Variants in TENM3 observed in about 807,000 individuals in gnomAD.
The protein encoded by TENM3 is teneurin-3.
Under a neutral mutation model 255.1 loss-of-function variants are expected in TENM3, and 63 were observed. The observed-to-expected ratio is 0.25, with a 90% confidence interval of 0.20 to 0.30. The LOEUF (loss-of-function observed/expected upper bound fraction) is 0.30. Among genes scored for constraint, TENM3 ranks in the 10% least tolerant of loss-of-function variants. The probability of loss-of-function intolerance (pLI) is 1.00; values close to 1 mark genes in which losing one functional copy is unlikely to be tolerated. For synonymous variants in TENM3, 1,306 were observed against 1,322.3 expected (o/e 0.99, Z 0.27); for missense variants, 2,929 against 3,461.1 (o/e 0.85, Z 3.86).
At chr4:182,413,599 G>A (rs774125188) in intron 3 of TENM3, among the ~76,000 whole-genome samples, 9 of 149,652 alleles carry the variant, frequency 6.0e-5, no homozygotes, top group Admixed American at 1.4e-4. Context: ...CTGGGCAACA[G>A]AGTGAGACTC....
chr4:181,607,439 G>A, the TENM3 span, among the ~76,000 whole-genome samples: 16 of 148,546 alleles, frequency 1.1e-4, no homozygotes, highest in Non-Finnish European at 1.5e-4. Context: ...TTTTTGAGAC[G>A]GAGTCTCACT....
the TENM3 span, among the ~76,000 whole-genome samples, chr4:182,005,875 A>G: frequency 1.3e-5 from 2 of 151,836 alleles, no homozygotes; most frequent in South Asian, 4.2e-4. Flanking sequence ...CTGCTTGCCT[A>G]TTGGTGGTGT....
At position 182,731,349 on chromosome 4, in the gene TENM3, CA is replaced by C. The variant is rs1008152880; in HGVS notation, c.2967+219del. Among the ~76,000 whole-genome samples, 196 of 150,414 alleles carry C rather than the reference CA, an allele frequency of 1.3e-3. 1 individual carries two copies. The highest frequency in any genetic ancestry group is 4.6e-3 in the African/African-American group (189 of 41,062). ...TGAAACCCCATCTGTACTAAAAATACAAAAAAAAATTAGCCGGGCATGGTGA... is the reference window on the plus strand; with the variant it reads ...TGAAACCCCATCTGTACTAAAAATACAAAAAAAATTAGCCGGGCATGGTGA... On this transcript the variant is annotated intron_variant, in intron 16 of 27. Coordinates refer to ENST00000511685, the MANE Select transcript of TENM3 (RefSeq NM_001080477.4).
the TENM3 span, among the ~76,000 whole-genome samples, chr4:181,692,240 T>G: frequency 6.6e-6 from 1 of 152,214 alleles, no homozygotes; most frequent in Non-Finnish European, 1.5e-5. Flanking sequence ...AGTAAAGATA[T>G]TCCAGCATTC....
chr4:182,120,262 T>C, the TENM3 span, among the ~76,000 whole-genome samples: 1 of 152,194 alleles, frequency 6.6e-6, no homozygotes, highest in Non-Finnish European at 1.5e-5. Context: ...AGTCACATGC[T>C]GTACAGGTTT....
chr4:181,910,464 G>A, the TENM3 span, among the ~76,000 whole-genome samples: 3 of 151,484 alleles, frequency 2.0e-5, no homozygotes, highest in Admixed American at 2.0e-4. Flanking sequence ...CTTGAACCTG[G>A]GAGGTGGAGG....
chr4:182,661,928 A>G (rs910674693), intron 6 of TENM3, among the ~76,000 whole-genome samples: 1 of 152,304 alleles, frequency 6.6e-6, no homozygotes, highest in East Asian at 1.9e-4. Flanking sequence ...CAAATTCATG[A>G]TATATATGGC....
In TENM3 at chr4:182,754,481, C is replaced by T. The variant is rs868065160; in HGVS notation, c.4114C>T (p.Arg1372Cys). ...NNVVLQITEN[R>C]QVRIAAGRPM... ...TGTAGTTTTACAGATCACTGAAAAT[C>T]GTCAAGTTCGCATTGCTGCTGGACG... Residue 1372 changes from arginine (R) to cysteine (C), a missense_variant, in exon 22 of 28, where the codon CGT becomes TGT. Around this residue, in one of 6 missense-constraint regions of TENM3, gnomAD observed 1,608 missense variants for 1,884.4 expected, o/e 0.85. Transcript: ENST00000511685. The surrounding 1 kb of genome is among the most constrained non-coding windows in gnomAD (Gnocchi z 5.1). The T allele has an allele frequency of 2.5e-6, 4 of 1,613,094 alleles. No homozygotes were observed. Among genetic ancestry groups the T allele is most frequent in the East Asian group, 2.2e-5 (1 of 44,896 alleles).
At chr4:182,221,298 G>T (rs1755839342) in intron 1 of TENM3, among the ~76,000 whole-genome samples, 1 of 152,178 alleles carries the variant, frequency 6.6e-6, no homozygotes, top group Admixed American at 6.5e-5. Flanking sequence ...TAGAATATTT[G>T]ATCTTTTTAA....
rs758450123 is a variant in TENM3, at chr4:182,679,662, C to A, written c.1327-4C>A. 1.2e-6 allele frequency: 2 copies of A among 1,610,742 alleles called. No individual in the cohort carries two copies. The highest frequency in any genetic ancestry group is 1.1e-5 in the South Asian group (1 of 90,988). ...CTGACTATTTTTCCTCGTCCTCCCC[C>A]CAGTATGACTTCGTGGAGCTCCTGG... On this transcript the variant is annotated splice_polypyrimidine_tract_variant and splice_region_variant and intron_variant, in intron 7 of 27. Transcript: ENST00000511685.
chr4:181,649,778 G>A, the TENM3 span, among the ~76,000 whole-genome samples: 1 of 152,174 alleles, frequency 6.6e-6, no homozygotes, highest in Admixed American at 6.5e-5. Context: ...AATAATGTTT[G>A]ACAGTGCAGA....
chr4:181,515,509 A>G, the TENM3 span, among the ~76,000 whole-genome samples: 3 of 151,800 alleles, frequency 2.0e-5, no homozygotes, highest in Non-Finnish European at 2.9e-5. Flanking sequence ...CTTGCTGCCT[A>G]TATGTTCTAC....
chr4:181,995,567 C>T, the TENM3 span, among the ~76,000 whole-genome samples: 1 of 151,892 alleles, frequency 6.6e-6, no homozygotes, highest in Non-Finnish European at 1.5e-5. Flanking sequence ...TATAATTTCC[C>T]GAAGAAATTA....
the TENM3 span, among the ~76,000 whole-genome samples, chr4:181,583,154 A>G: frequency 2.0e-5 from 3 of 148,166 alleles, no homozygotes; most frequent in South Asian, 2.1e-4. Context: ...TACTTTGGGC[A>G]GGTATCAACT....
intron 1 of TENM3, among the ~76,000 whole-genome samples, chr4:182,270,412 GTATCTTATTGC>G (rs551488149): frequency 1.3e-3 from 203 of 152,250 alleles, no homozygotes; most frequent in Non-Finnish European, 1.4e-3. Context: ...GTGGAATTTG[GTATCTTATTGC>G]TACACAAAGA....
chr4:182,089,408 G>C, the TENM3 span, among the ~76,000 whole-genome samples: 1 of 152,130 alleles, frequency 6.6e-6, no homozygotes, highest in Non-Finnish European at 1.5e-5. Flanking sequence ...TTCTTAGATT[G>C]AAATGGGTAT....
the TENM3 span, among the ~76,000 whole-genome samples, chr4:181,782,189 G>A: frequency 6.6e-6 from 1 of 152,144 alleles, no homozygotes; most frequent in Non-Finnish European, 1.5e-5. Context: ...AGTTTCAGAA[G>A]GAATGGTAGC....
chr4:181,515,026 A>T, the TENM3 span, among the ~76,000 whole-genome samples: 1 of 152,244 alleles, frequency 6.6e-6, no homozygotes, highest in Non-Finnish European at 1.5e-5. Flanking sequence ...GCCAGGGCTG[A>T]AGTCCAAGTC....
intron 1 of TENM3, among the ~76,000 whole-genome samples, chr4:182,160,490 A>G (rs1327879491): frequency 1.3e-5 from 2 of 152,236 alleles, no homozygotes; most frequent in Admixed American, 1.3e-4. Flanking sequence ...AAAAAATTAC[A>G]AGACAAACTT....
Sources: gnomAD v4.1 joint callset for allele counts (sites outside exome capture counted in the v4.1 genomes callset) on GRCh38, gnomAD v4.1.1 for gene constraint, gnomAD v4.1.1 regional missense constraint, Gnocchi (gnomAD v3.1) non-coding constraint, MANE v1.5 for transcripts, NCBI Gene and HGNC (gene_info 2026-07-23, HGNC 2026-07-21) for gene names.